The following METTL8 variants were observed in gnomAD, a reference collection of about 807,000 sequenced individuals.
METTL8 encodes the protein tRNA N(3)-cytidine methyltransferase METTL8, mitochondrial.
In METTL8, 32 loss-of-function variants were observed where a neutral mutation model predicts 48.7. The observed-to-expected ratio is 0.66, with a 90% CI of 0.50 to 0.88. The LOEUF is 0.88. Ranked by LOEUF, METTL8 falls within the 40% of genes least tolerant of loss-of-function variation. The pLI, the probability that METTL8 is intolerant of heterozygous loss-of-function variation, is 0.00. For synonymous variants in METTL8, 136 were observed against 157.1 expected (o/e 0.87, Z 1.01); for missense variants, 464 against 474.4 (o/e 0.98, Z 0.20).
At chr2:171,433,393 G>A (rs530008703) in intron 1 of METTL8, among the ~76,000 whole-genome samples, 1 of 152,306 alleles carries the variant, frequency 6.6e-6, no homozygotes, top group African/African-American at 2.4e-5. Context: ...AGGTGCGATC[G>A]CTGGCTTTCT....
At chr2:171,429,455 A>C (rs888190205) in intron 1 of METTL8, among the ~76,000 whole-genome samples, 5 of 152,252 alleles carry the variant, frequency 3.3e-5, no homozygotes, top group Non-Finnish European at 4.4e-5. Context: ...TAAGGAAGGT[A>C]CGCCACAGAG....
At chr2:171,414,895 A>G (rs920657952) in intron 1 of METTL8, among the ~76,000 whole-genome samples, 1 of 152,070 alleles carries the variant, frequency 6.6e-6, no homozygotes, top group Non-Finnish European at 1.5e-5. Flanking sequence ...TTTCTCCCAT[A>G]CTATTCTCGT....
intron 2 of METTL8, chr2:171,374,984 G>A (rs1400631244): frequency 1.9e-6 from 2 of 1,078,964 alleles, no homozygotes; most frequent in Non-Finnish European, 2.8e-6. Flanking sequence ...CTAAATCAGG[G>A]TGGGGGTGTT....
chr2:171,423,017 AT>A (rs1345151321), intron 1 of METTL8, among the ~76,000 whole-genome samples: 3 of 152,150 alleles, frequency 2.0e-5, no homozygotes, highest in Non-Finnish European at 2.9e-5. Flanking sequence ...TAATTGAATT[AT>A]GGGGGGTGGT....
intron 2 of METTL8, among the ~76,000 whole-genome samples, chr2:171,385,885 G>A (rs1688002292): frequency 6.6e-6 from 1 of 152,188 alleles, no homozygotes. Flanking sequence ...AAATAGTTCT[G>A]TTGCTAAAGA....
chr2:171,413,250 T>C (rs1346999286), intron 1 of METTL8, among the ~76,000 whole-genome samples: 1 of 152,168 alleles, frequency 6.6e-6, no homozygotes, highest in African/African-American at 2.4e-5. Flanking sequence ...TAAAGTAGAA[T>C]ACCCATATTC....
At chr2:171,387,854 A>G (rs1354755283) in intron 2 of METTL8, among the ~76,000 whole-genome samples, 1 of 152,192 alleles carries the variant, frequency 6.6e-6, no homozygotes, top group African/African-American at 2.4e-5. Context: ...CAATAAAAAC[A>G]TAAAAAGCCC....
chr2:171,357,203 C>A (rs986897637), intron 3 of METTL8, among the ~76,000 whole-genome samples: 1 of 151,964 alleles, frequency 6.6e-6, no homozygotes, highest in Non-Finnish European at 1.5e-5. Flanking sequence ...AAGTGATCTG[C>A]CCACCCTGGC....
upstream of METTL8, chr2:171,434,199 C>T (rs1693563976): frequency 7.6e-6 from 3 of 397,310 alleles, no homozygotes; most frequent in African/African-American, 4.2e-5. Flanking sequence ...TCGCTCCCCG[C>T]CGCCTGACGG....
chr2:171,397,553 CAAAAAAAAAAAAA>C (rs34936693), intron 1 of METTL8, among the ~76,000 whole-genome samples: 8 of 52,132 alleles, frequency 1.5e-4, no homozygotes, highest in African/African-American at 4.4e-4. Flanking sequence ...AACCCTGCCT[CAAAAAAAAAAAAA>C]AAAAAAAAAG....
At chr2:171,331,197 G>A (rs540580213) in intron 6 of METTL8, among the ~76,000 whole-genome samples, 17 of 151,714 alleles carry the variant, frequency 1.1e-4, no homozygotes, top group Middle Eastern at 3.4e-3. Flanking sequence ...TGCAACCTCC[G>A]CCTCCTGGGT....
chr2:171,399,585 A>AGATGCTTTTGCTACCAC (rs1185371711), intron 1 of METTL8, among the ~76,000 whole-genome samples: 2 of 152,150 alleles, frequency 1.3e-5, no homozygotes, highest in African/African-American at 4.8e-5. Context: ...CTCCCCAGCT[A>AGATGCTTTTGCTACCAC]CAAATTTTGG....
chr2:171,331,363 C>T (rs530206673), intron 6 of METTL8, among the ~76,000 whole-genome samples: 2 of 151,428 alleles, frequency 1.3e-5, no homozygotes, highest in East Asian at 3.9e-4. Context: ...CCTGCCTCGG[C>T]CTCCCAAAGT....
intron 7 of METTL8, among the ~76,000 whole-genome samples, chr2:171,327,605 T>C (rs1559044772): frequency 6.6e-6 from 1 of 152,186 alleles, no homozygotes; most frequent in Non-Finnish European, 1.5e-5. Flanking sequence ...AAACTCAGAT[T>C]ATGTCATGTT....
intron 1 of METTL8, among the ~76,000 whole-genome samples, chr2:171,413,228 T>TTGGTGTAGTAGTAAAGTAGAA (rs1690929196): frequency 6.6e-6 from 1 of 152,234 alleles, no homozygotes. Flanking sequence ...TTACTGGGAT[T>TTGGTGTAGTAGTAAAGTAGAA]TGGTGTAGTA....
chr2:171,429,607 TA>T (rs1383337448), intron 1 of METTL8, among the ~76,000 whole-genome samples: 1 of 152,098 alleles, frequency 6.6e-6, no homozygotes, highest in East Asian at 1.9e-4. Flanking sequence ...AACACACACA[TA>T]AAAAAATTAA....
intron 2 of METTL8, among the ~76,000 whole-genome samples, chr2:171,371,646 C>T (rs1047069008): frequency 5.3e-5 from 8 of 151,876 alleles, no homozygotes; most frequent in Non-Finnish European, 1.2e-4. Context: ...TGTGAGCCAC[C>T]GTGCCCAGCC....
chr2:171,415,361 T>G (rs1271498410), intron 1 of METTL8, among the ~76,000 whole-genome samples: 1 of 146,674 alleles, frequency 6.8e-6, no homozygotes, highest in Non-Finnish European at 1.5e-5. Context: ...TTTTTTTTTT[T>G]TTTTTTTTTT....
intron 3 of METTL8, among the ~76,000 whole-genome samples, chr2:171,354,940 C>T (rs1304184175): frequency 4.0e-5 from 6 of 151,858 alleles, no homozygotes; most frequent in Admixed American, 6.6e-5. Context: ...TTGTTATTAC[C>T]GATCGTCTGA....
Sources: gnomAD v4.1 joint callset for allele counts (sites outside exome capture counted in the v4.1 genomes callset) on GRCh38, gnomAD v4.1.1 for gene constraint, MANE v1.5 for transcripts, NCBI Gene and HGNC (gene_info 2026-07-23, HGNC 2026-07-21) for gene names.